ABCB4: variants seen among roughly 807,000 people sequenced by gnomAD.
The protein encoded by ABCB4 is ATP binding cassette subfamily B member 4.
ABCB4 carries 76 observed loss-of-function variants against 145.7 expected under a neutral mutation model. That is an observed-to-expected ratio of 0.52 (90% CI 0.43 to 0.63). ABCB4 has a LOEUF of 0.63. Among genes scored for constraint, ABCB4 ranks in the 30% least tolerant of loss-of-function variants. ABCB4 has a pLI of 0.00. For missense variants in ABCB4, 1,234 were observed against 1,553.1 expected (o/e 0.79, Z 3.45); for synonymous variants, 517 against 566.8 (o/e 0.91, Z 1.25).
At chr7:87,397,258 C>T (rs376469240), downstream of ABCB4, among the ~76,000 whole-genome samples, 195 of 151,478 alleles carry the variant, frequency 1.3e-3, 1 homozygote, top group Middle Eastern at 6.8e-3. Context: ...ACCTGAGGCA[C>T]GAGAATTGCT....
intron 3 of ABCB4, among the ~76,000 whole-genome samples, chr7:87,472,189 G>A (rs1040363466): frequency 6.6e-6 from 1 of 151,998 alleles, no homozygotes; most frequent in African/African-American, 2.4e-5. Flanking sequence ...GGTGCAGCAA[G>A]GACAATTTAT....
chr7:87,448,028 A>G (rs1187888438), intron 8 of ABCB4, among the ~76,000 whole-genome samples: 2 of 152,172 alleles, frequency 1.3e-5, no homozygotes, highest in Non-Finnish European at 2.9e-5. Context: ...TTACTATCAT[A>G]TCTTTGAATC....
At chr7:87,392,270 A>G in the ABCB4 span, among the ~76,000 whole-genome samples, 1 of 152,120 alleles carries the variant, frequency 6.6e-6, no homozygotes, top group Non-Finnish European at 1.5e-5. Context: ...ATTTTTAGTT[A>G]TGCTTTCATT....
chr7:87,408,070 C>T lies in ABCB4; in HGVS notation c.3246G>A (p.Leu1082=). 2 of 1,614,100 alleles carry T rather than the reference C, an allele frequency of 1.2e-6. No homozygotes were observed. The highest frequency in any genetic ancestry group is 1.7e-6 in the Non-Finnish European group (2 of 1,180,024). Residue 1082 remains leucine (L), a synonymous_variant, in exon 25 of 28, where the codon CTG becomes CTA. Transcript: ENST00000649586. ...GCGKSTVVQL[L]ERFYDPLAGT... is the part of the protein sequence containing the mutation. The stretch of plus-strand genomic sequence containing the variant: ...CCGCCAAGGGGTCGTAGAACCGCTC[C>T]AGGAGCTGGACCACCGTGCTCTTCC...
At position 87,440,321 on chromosome 7, in the gene ABCB4, C is replaced by T. The variant is rs781727691; in HGVS notation, c.1438G>A (p.Val480Met). ...EIIGVVSQEP[V>M]LFSTTIAENI... ...TCAGCAATTGTGGTGGAAAACAGCA[C>T]CGGCTCCTGACTCACCACACCAATG... The change falls in exon 13 of 28, where the codon GTG becomes ATG. Residue 480 changes from valine (V) to methionine (M), a missense_variant. This residue lies in a region of ABCB4 where 467 missense variants were observed against 632.8 expected (regional missense o/e 0.74). Transcript: ENST00000649586. 1.2e-6 allele frequency: 2 copies of T among 1,614,126 alleles called. No individual in the cohort carries two copies. Among genetic ancestry groups the T allele is most frequent in the South Asian group, 1.1e-5 (1 of 91,082 alleles).
At chr7:87,408,260 T>C in intron 24 of ABCB4, 26 bp from the exon 25 acceptor site, 1 of 1,601,400 alleles carries the variant, frequency 6.2e-7, no homozygotes, top group Non-Finnish European at 8.6e-7. Context: ...AATGTTGCTA[T>C]TATAATTGGC....
intron 26 of ABCB4, among the ~76,000 whole-genome samples, chr7:87,405,449 C>CTTTGTT (rs1808115264): frequency 1.4e-5 from 2 of 143,364 alleles, no homozygotes; most frequent in Admixed American, 6.9e-5. Context: ...TTTTTTGAGA[C>CTTTGTT]GGAGTCTCAC....
chr7:87,369,833 A>G, the ABCB4 span: 1 of 148,812 alleles, frequency 6.7e-6, no homozygotes, highest in Non-Finnish European at 1.5e-5. Flanking sequence ...TATAATATAT[A>G]ATATGTATTA....
In ABCB4 at chr7:87,452,955, C is replaced by T. The variant is rs558416191; in HGVS notation, c.525G>A (p.Thr175=). 45 of 1,613,872 alleles carry T rather than the reference C, an allele frequency of 2.8e-5. No homozygotes were observed. Among genetic ancestry groups the T allele is most frequent in the Admixed American group, 2.0e-4 (12 of 60,010 alleles). ...AACAATGTACCTACTCTGTTAGCCG[C>T]GTATTGAGTTCAGTGGTGTCGTTGA... ...FDINDTTELN[T]RLTDDISKIS... is the part of the protein sequence containing the mutation. Residue 175 remains threonine, a synonymous_variant, in exon 6 of 28, where the codon ACG becomes ACA. Coordinates refer to ENST00000649586, the MANE Select transcript of ABCB4 (RefSeq NM_000443.4).
At chr7:87,396,724 A>G (rs961314825), downstream of ABCB4, among the ~76,000 whole-genome samples, 1 of 152,098 alleles carries the variant, frequency 6.6e-6, no homozygotes, top group Non-Finnish European at 1.5e-5. Context: ...TAAAAACTAC[A>G]TAAGAACAAA....
intron 24 of ABCB4, among the ~76,000 whole-genome samples, chr7:87,408,783 A>G (rs767552809): frequency 2.0e-5 from 3 of 152,230 alleles, no homozygotes; most frequent in Admixed American, 6.5e-5. Context: ...ATCTTGTGTC[A>G]TACAAAGAAC....
At chr7:87,395,184 G>A in the ABCB4 span, among the ~76,000 whole-genome samples, 51 of 152,310 alleles carry the variant, frequency 3.3e-4, 1 homozygote, top group African/African-American at 1.2e-3. Flanking sequence ...AGCTGAAGAA[G>A]TTAGAGTCCA....
intron 9 of ABCB4, 82 bp from the exon 10 acceptor site, chr7:87,445,057 G>T: frequency 2.3e-6 from 2 of 887,056 alleles, no homozygotes; most frequent in Non-Finnish European, 1.8e-6. Flanking sequence ...ATGTAACATA[G>T]TACATAAAGG....
intron 21 of ABCB4, among the ~76,000 whole-genome samples, chr7:87,415,318 C>T (rs1025867306): frequency 7.7e-6 from 1 of 129,580 alleles, no homozygotes; most frequent in African/African-American, 2.8e-5. Context: ...TGAAACTGTA[C>T]CCAGGTAAAT....
rs1810874730 is a variant in ABCB4, at chr7:87,440,140, C to T, written c.1560+59G>A. 3.9e-6 allele frequency: 6 copies of T among 1,547,698 alleles called. No homozygotes were observed. The South Asian group carries it at 6.7e-5, about 17-fold the overall frequency. On this transcript the variant is annotated intron_variant, in intron 13 of 27. Transcript: ENST00000649586. ...ATTAGCTAAACCTTTGAAGAATAAA[C>T]TCAGTCCTATGAGGTGAAATTCTAA... is the stretch of plus-strand genomic sequence containing the variant.
rs45480392 is a variant in ABCB4 at position 87,445,902 on chromosome 7, G to A, written c.1006-927C>T. Among the ~76,000 whole-genome samples, 742 of 152,260 alleles carry A rather than the reference G, an allele frequency of 4.9e-3. 2 individuals are homozygous for A. The highest frequency in any genetic ancestry group is 7.7e-3 in the Non-Finnish European group (526 of 68,022). The stretch of plus-strand genomic sequence containing the variant: ...TGGGGATAGCAATCTCAGCCCTACC[G>A]GATAGGTGTCATTATCCACATACTA... On this transcript the variant is annotated intron_variant, in intron 9 of 27. Transcript: ENST00000649586.
chr7:87,454,509 A>G, intron 5 of ABCB4, 26 bp downstream of exon 5: 1 of 1,552,456 alleles, frequency 6.4e-7, no homozygotes, highest in South Asian at 1.2e-5. Flanking sequence ...GAAACTTTAA[A>G]AAAGTAGACC....
chr7:87,425,051 T>C (rs948599902), intron 16 of ABCB4, among the ~76,000 whole-genome samples: 2 of 151,978 alleles, frequency 1.3e-5, no homozygotes, highest in African/African-American at 4.8e-5. Flanking sequence ...TTTTTTTTTT[T>C]CCTCCCTAGT....
chr7:87,406,077 T>C (rs1808162186), intron 26 of ABCB4: 1 of 604,830 alleles, frequency 1.7e-6, no homozygotes, highest in Middle Eastern at 4.4e-4. Context: ...TGAAGTATGG[T>C]GGTTTTGAGC....
Sources: gnomAD v4.1 joint callset for allele counts (sites outside exome capture counted in the v4.1 genomes callset) on GRCh38, gnomAD v4.1.1 for gene constraint, gnomAD v4.1.1 regional missense constraint, MANE v1.5 for transcripts, NCBI Gene and HGNC (gene_info 2026-07-23, HGNC 2026-07-21) for gene names.